The following PDGFRB variants were observed in gnomAD, a reference collection of about 807,000 sequenced individuals.
PDGFRB encodes platelet-derived growth factor receptor beta.
Under a neutral mutation model 120.2 loss-of-function variants are expected in PDGFRB, and 42 were observed. The ratio of observed to expected loss-of-function variants is 0.35; its 90% CI spans 0.27 to 0.45. The LOEUF (loss-of-function observed/expected upper bound fraction) is 0.45, where lower values mean the gene tolerates loss of function less well. Among genes scored for constraint, PDGFRB ranks in the 20% least tolerant of loss-of-function variants. The pLI, the probability that PDGFRB is intolerant of heterozygous loss-of-function variation, is 1.00. For missense variants in PDGFRB, 1,149 were observed against 1,476.3 expected (o/e 0.78, Z 3.63); for synonymous variants, 586 against 606.8 (o/e 0.97, Z 0.50).
At chr5:150,124,906 C>G (rs1760252914) in intron 12 of PDGFRB, 75 bp from the exon 13 acceptor site, 7 of 672,756 alleles carry the variant, frequency 1.0e-5, no homozygotes, top group East Asian at 2.8e-5. Flanking sequence ...CCCCTCCCCC[C>G]ACTCCCCTAC....
chr5:150,135,091 T>A, intron 3 of PDGFRB, 75 bp from the exon 4 acceptor site: 1 of 753,284 alleles, frequency 1.3e-6, no homozygotes, highest in South Asian at 1.7e-5. Context: ...GTGTGGCAAG[T>A]CATTTGCCAT....
chr5:150,123,171 C>A lies in PDGFRB; in HGVS notation c.2054G>T (p.Arg685Leu). 6.2e-7 allele frequency: 1 copy of A among 1,613,640 alleles called. No homozygotes were observed. The change falls in exon 15 of 23, where the codon CGC (arginine) becomes CTC (leucine). Residue 685 changes from arginine (R) to leucine (L), a missense_variant. Arg to Leu is a moderately radical substitution (Grantham distance 102). Transcript: ENST00000261799. ...CAGGTAGTCCACCAGGTCTCCGTAG[C>A]GGCAGTACTCAGTGATGATATAGAT... is the stretch of plus-strand genomic sequence containing the variant. ...GPIYIITEYC[R>L]YGDLVDYLHR... is the part of the protein sequence containing the mutation.
At chr5:150,141,749 A>G (rs1189551105) in intron 1 of PDGFRB, among the ~76,000 whole-genome samples, 1 of 148,802 alleles carries the variant, frequency 6.7e-6, no homozygotes, top group Non-Finnish European at 1.5e-5. Context: ...GGGAGGCAGA[A>G]GTGTATGTGT....
rs2113902671 is a variant in PDGFRB at position 150,129,830 on chromosome 5, C to T, written c.1506G>A (p.Arg502=). The T allele has an allele frequency of 6.2e-7, 1 of 1,614,122 alleles. No individual in the cohort carries two copies. The highest frequency in any genetic ancestry group is 2.2e-5 in the East Asian group (1 of 44,890). The part of the protein sequence containing the change: ...VSTLRLQHVD[R]PLSVRCTLRN... ...GCAGCGTGCAGCGCACCGACAGTGG[C>T]CGATCCACGTGCTGCAGACGCAGTG... The change falls in exon 10 of 23, where the codon CGG becomes CGA. Residue 502 remains arginine (R), a synonymous_variant. Coordinates refer to ENST00000261799, the MANE Select transcript of PDGFRB (RefSeq NM_002609.4).
intron 1 of PDGFRB, among the ~76,000 whole-genome samples, chr5:150,148,520 C>T (rs1250468707): frequency 2.6e-5 from 4 of 152,242 alleles, no homozygotes; most frequent in African/African-American, 9.6e-5. Context: ...CACTCTGAAG[C>T]CAACAGGCTG....
chr5:150,143,648 A>G (rs1014734721), intron 1 of PDGFRB, among the ~76,000 whole-genome samples: 1 of 152,136 alleles, frequency 6.6e-6, no homozygotes, highest in Non-Finnish European at 1.5e-5. Context: ...GCTGTCCCCA[A>G]GCAGGCTGAG....
intron 15 of PDGFRB, among the ~76,000 whole-genome samples, chr5:150,122,623 T>C (rs1451812381): frequency 6.6e-6 from 1 of 152,250 alleles, no homozygotes; most frequent in African/African-American, 2.4e-5. Flanking sequence ...GAAGTGTTCT[T>C]TTTGGAAAAG....
Position 150,135,013 on chromosome 5 carries a change from G to A in PDGFRB, c.368C>T (p.Pro123Leu), listed in dbSNP as rs1410359446. ...RKRLYIFVPD[P>L]TVGFLPNDAE... ...ATCATTAGGGAGGAAGCCCACGGTG[G>A]GATCTGCCAGGAGTGGAGCCGTGAA... Residue 123 changes from proline (P) to leucine (L), a missense_variant, in exon 4 of 23, where the codon CCC (proline) becomes CTC (leucine). Physicochemically the swap from Pro to Leu is moderately conservative, Grantham distance 98. This residue lies in a region of PDGFRB where 879 missense variants were observed against 1,108.6 expected (regional missense o/e 0.79). Transcript: ENST00000261799. The A allele has an allele frequency of 6.5e-7, 1 of 1,527,794 alleles. No homozygotes were observed. The highest frequency in any genetic ancestry group is 1.4e-5 in the African/African-American group (1 of 73,238). The allele number at this position is 1,527,794 out of a possible 1,614,324, so 94.6% of individuals were successfully genotyped here.
rs551582477 is a variant in PDGFRB at position 150,153,170 on chromosome 5, C to G, written c.-7+2227G>C. Among the ~76,000 whole-genome samples, 10 of 152,334 alleles carry G rather than the reference C, an allele frequency of 6.6e-5. No individual in the cohort carries two copies. The East Asian group carries it at 9.6e-4, about 15-fold the overall frequency. On this transcript the variant is annotated intron_variant, in intron 1 of 22. Transcript: ENST00000261799. ...CCTGACTCTGGATCCACGGTGCTTT[C>G]CACTGCCTGCCCCACATGTGTGGGC...
At chr5:150,136,918 G>A (rs889968710) in intron 2 of PDGFRB, 90 bp downstream of exon 2, 18 of 1,002,190 alleles carry the variant, frequency 1.8e-5, no homozygotes, top group Non-Finnish European at 2.5e-5. Context: ...GGTGCTTCAC[G>A]CCCTGCCACC....
chr5:150,129,921 T>C lies in PDGFRB; in HGVS notation c.1415A>G (p.Glu472Gly). 1 of 1,614,136 alleles carries C rather than the reference T, an allele frequency of 6.2e-7. No homozygotes were observed. The highest frequency in any genetic ancestry group is 8.5e-7 in the Non-Finnish European group (1 of 1,180,026). ...PPTLLGNSSE[E>G]ESQLETNVTY... ...CACGTTAGTCTCCAGCTGGCTCTCC[T>C]CTTCGGAACTGTTCCCCAGCAGCGT... The change falls in exon 10 of 23, where the codon GAG (glutamate) becomes GGG (glycine). Residue 472 changes from glutamate (E) to glycine (G), a missense_variant. Glu to Gly is a moderately conservative substitution (Grantham distance 98). Coordinates refer to ENST00000261799, the MANE Select transcript of PDGFRB (RefSeq NM_002609.4).
At chr5:150,125,690 G>A (rs1328329472) in intron 11 of PDGFRB, 113 bp from the exon 12 acceptor site, 5 of 949,814 alleles carry the variant, frequency 5.3e-6, no homozygotes, top group Non-Finnish European at 6.4e-6. Context: ...CCAGAGAGGG[G>A]CAGGGGCATA....
At chr5:150,124,464 G>A (rs1760236415) in intron 13 of PDGFRB, 104 bp from the exon 14 acceptor site, 1 of 833,026 alleles carries the variant, frequency 1.2e-6, no homozygotes, top group African/African-American at 1.7e-5. Flanking sequence ...TGTGCTGCAA[G>A]ACCCAGGCAG....
intron 15 of PDGFRB, 29 bp from the exon 16 acceptor site, chr5:150,122,069 C>T: frequency 6.2e-7 from 1 of 1,602,618 alleles, no homozygotes; most frequent in East Asian, 2.2e-5. Flanking sequence ...CACAGGAGAG[C>T]CTGCAGGCTT....
Position 150,114,081 on chromosome 5 carries a change from G to T in PDGFRB, c.*1682C>A, listed in dbSNP as rs1341215575. 1 of 233,568 alleles carries T rather than the reference G, an allele frequency of 4.3e-6. No homozygotes were observed. The highest frequency in any genetic ancestry group is 8.5e-6 in the Non-Finnish European group (1 of 118,022). 14.5% of individuals were successfully genotyped at this position (233,568 alleles called of 1,614,324 possible). On this transcript the variant is annotated 3_prime_UTR_variant, in exon 23 of 23. Coordinates refer to ENST00000261799, the MANE Select transcript of PDGFRB (RefSeq NM_002609.4). ...GTAAGGTGCCAACCTGCAATGCAGG[G>T]TTGGTGCCCAGAGGGGTTGAGCTTC... is the stretch of plus-strand genomic sequence containing the variant.
At chr5:150,119,656 G>T in intron 19 of PDGFRB, 90 bp from the exon 20 acceptor site, 2 of 824,610 alleles carry the variant, frequency 2.4e-6, no homozygotes, top group Admixed American at 3.6e-5. Flanking sequence ...GAGCCATGCT[G>T]GCCCTGGTAT....
chr5:150,135,063 G>A (rs1760585339), intron 3 of PDGFRB, 47 bp from the exon 4 acceptor site: 3 of 1,014,294 alleles, frequency 3.0e-6, no homozygotes, highest in Non-Finnish European at 4.5e-6. Context: ...TGGGTTTCTG[G>A]CCATCCCCTG....
intron 1 of PDGFRB, among the ~76,000 whole-genome samples, chr5:150,152,981 C>A (rs1761120238): frequency 6.6e-6 from 1 of 152,240 alleles, no homozygotes; most frequent in Admixed American, 6.5e-5. Flanking sequence ...CAGCCAGAAA[C>A]TGACTCGGGG....
chr5:150,132,896 A>T lies in PDGFRB; in HGVS notation c.981T>A (p.Phe327Leu). The T allele has an allele frequency of 6.3e-7, 1 of 1,588,482 alleles. No homozygotes were observed. The highest frequency in any genetic ancestry group is 1.1e-5 in the South Asian group (1 of 87,512). ...RLLGEVGTLQ[F>L]AELHRSRTLQ... is the part of the protein sequence containing the mutation. ...GTGTCCGGCTCCGATGCAGCTCAGC[A>T]AATTGTAGTGTGCCCACCTCTCCCA... The change falls in exon 7 of 23, where the codon TTT becomes TTA. Residue 327 changes from phenylalanine (F) to leucine (L), a missense_variant. Physicochemically the swap from Phe to Leu is conservative, Grantham distance 22 (BLOSUM62 0). Transcript: ENST00000261799. The surrounding 1 kb of genome is among the most constrained non-coding windows in gnomAD (Gnocchi z 5.0).
Sources: gnomAD v4.1 joint callset for allele counts (sites outside exome capture counted in the v4.1 genomes callset) on GRCh38, gnomAD v4.1.1 for gene constraint, gnomAD v4.1.1 regional missense constraint, Gnocchi (gnomAD v3.1) non-coding constraint, MANE v1.5 for transcripts, NCBI Gene and HGNC (gene_info 2026-07-23, HGNC 2026-07-21) for gene names.